CTNNA2: variants seen among roughly 807,000 people sequenced by gnomAD.
CTNNA2 encodes the protein catenin alpha 2.
CTNNA2 carries 42 observed loss-of-function variants against 101.0 expected under a neutral mutation model. The observed-to-expected ratio is 0.42, with a 90% CI of 0.32 to 0.54. CTNNA2 has a LOEUF of 0.54. Among genes scored for constraint, CTNNA2 ranks in the 20% least tolerant of loss-of-function variants. The pLI, the probability that CTNNA2 is intolerant of heterozygous loss-of-function variation, is 0.14. For synonymous variants in CTNNA2, 450 were observed against 456.4 expected (o/e 0.99, Z 0.18); for missense variants, 871 against 1,223.1 (o/e 0.71, Z 4.29).
chr2:79,397,823 A>AT (rs1008497239), intron 4 of CTNNA2, among the ~76,000 whole-genome samples: 36 of 151,816 alleles, frequency 2.4e-4, no homozygotes, highest in African/African-American at 7.2e-4. Context: ...AAGTCTGTTT[A>AT]TTTTTTTTAT....
At chr2:79,871,217 A>T (rs189811760) in intron 5 of CTNNA2, among the ~76,000 whole-genome samples, 1 of 152,320 alleles carries the variant, frequency 6.6e-6, no homozygotes, top group East Asian at 1.9e-4. Context: ...TTGAATGTTC[A>T]TTCTGTGCCA....
At chr2:80,254,950 C>A (rs1672024938) in intron 7 of CTNNA2, among the ~76,000 whole-genome samples, 1 of 152,054 alleles carries the variant, frequency 6.6e-6, no homozygotes, top group Non-Finnish European at 1.5e-5. Context: ...GGATGGGTTT[C>A]ATATTCCTCC....
intron 4 of CTNNA2, among the ~76,000 whole-genome samples, chr2:79,861,716 TTTTTGCTG>T (rs1427370818): frequency 6.6e-6 from 1 of 152,112 alleles, no homozygotes. Flanking sequence ...CTGCAAAAGG[TTTTTGCTG>T]CTGCTGTTAC....
chr2:79,231,472 C>A (rs946823448), intron 2 of CTNNA2, among the ~76,000 whole-genome samples: 1 of 152,170 alleles, frequency 6.6e-6, no homozygotes, highest in Non-Finnish European at 1.5e-5. Context: ...AAAATTATTT[C>A]TTTTGCCAAT....
At chr2:79,928,183 C>G (rs1476930739) in intron 7 of CTNNA2, among the ~76,000 whole-genome samples, 1 of 152,100 alleles carries the variant, frequency 6.6e-6, no homozygotes, top group Non-Finnish European at 1.5e-5. Context: ...CCTTAAGAAG[C>G]TCAAGGATCT....
chr2:80,638,491 G>T (rs1471849330), intron 18 of CTNNA2, among the ~76,000 whole-genome samples: 1 of 152,162 alleles, frequency 6.6e-6, no homozygotes, highest in African/African-American at 2.4e-5. Flanking sequence ...AGTAAGTATA[G>T]GAAAAGAAGG....
At chr2:80,399,196 C>T (rs184535783) in intron 8 of CTNNA2, among the ~76,000 whole-genome samples, 1 of 151,732 alleles carries the variant, frequency 6.6e-6, no homozygotes, top group Admixed American at 6.6e-5. Context: ...ATGGGTAGTA[C>T]AGTCACGCTA....
intron 4 of CTNNA2, among the ~76,000 whole-genome samples, chr2:79,465,469 CT>C: frequency 6.6e-6 from 1 of 152,224 alleles, no homozygotes; most frequent in South Asian, 2.1e-4. Context: ...AATGCAGGCT[CT>C]TTTTTGTTCC....
At chr2:80,211,182 T>C (rs1451039388) in intron 7 of CTNNA2, among the ~76,000 whole-genome samples, 1 of 152,222 alleles carries the variant, frequency 6.6e-6, no homozygotes, top group Non-Finnish European at 1.5e-5. Flanking sequence ...TTCACTCTAA[T>C]GATAGTTTCT....
At chr2:80,156,225 T>C (rs1703991332) in intron 7 of CTNNA2, among the ~76,000 whole-genome samples, 1 of 152,184 alleles carries the variant, frequency 6.6e-6, no homozygotes, top group Admixed American at 6.5e-5. Context: ...ATCTAGCCAA[T>C]CATTTGAAAC....
intron 2 of CTNNA2, among the ~76,000 whole-genome samples, chr2:79,278,101 A>G (rs1675260770): frequency 6.6e-6 from 1 of 152,284 alleles, no homozygotes; most frequent in South Asian, 2.1e-4. Context: ...AGTTCAGGCC[A>G]CTGTAGAACC....
chr2:79,801,750 G>T (rs1676174442), intron 3 of CTNNA2, among the ~76,000 whole-genome samples: 1 of 152,078 alleles, frequency 6.6e-6, no homozygotes, highest in South Asian at 2.1e-4. Context: ...CCAGCACTTT[G>T]GGAGGCCAAG....
chr2:79,594,434 A>G (rs1287250784), intron 1 of CTNNA2, among the ~76,000 whole-genome samples: 1 of 152,214 alleles, frequency 6.6e-6, no homozygotes, highest in Non-Finnish European at 1.5e-5. Context: ...AAGGAAAATA[A>G]TAATGGCTCC....
chr2:80,309,796 G>A (rs1677374237), intron 7 of CTNNA2, among the ~76,000 whole-genome samples: 1 of 151,744 alleles, frequency 6.6e-6, no homozygotes, highest in East Asian at 1.9e-4. Flanking sequence ...CCGGGTTCAA[G>A]TGATTATCCT....
intron 3 of CTNNA2, among the ~76,000 whole-genome samples, chr2:79,766,842 A>G (rs1416427114): frequency 6.7e-6 from 1 of 149,120 alleles, no homozygotes; most frequent in Non-Finnish European, 1.5e-5. Flanking sequence ...CGCAACCTCC[A>G]CCTCCTGGGT....
At chr2:79,974,962 G>A (rs992291522) in intron 7 of CTNNA2, among the ~76,000 whole-genome samples, 1 of 152,136 alleles carries the variant, frequency 6.6e-6, no homozygotes, top group Non-Finnish European at 1.5e-5. Flanking sequence ...GTCATACCAA[G>A]TAGAGGGGAT....
chr2:80,409,083 A>G (rs946631890), intron 8 of CTNNA2, among the ~76,000 whole-genome samples: 8 of 152,194 alleles, frequency 5.3e-5, no homozygotes, highest in African/African-American at 1.9e-4. Context: ...AGACCCTTCC[A>G]AATACGCAGA....
intron 2 of CTNNA2, among the ~76,000 whole-genome samples, chr2:79,656,421 C>G (rs1681617135): frequency 6.6e-6 from 1 of 152,016 alleles, no homozygotes; most frequent in South Asian, 2.1e-4. Context: ...ATACAGTTTG[C>G]TCATAGCTAT....
rs529677127 is a variant in CTNNA2, at chr2:79,819,022, C to T, written c.299-38991C>T. ...TGAGACGGAGTCTCACTCTGTCACCCAGGCTGGAGTGTAGTGGTATGATCT... is the reference window on the plus strand; with the variant it reads ...TGAGACGGAGTCTCACTCTGTCACCTAGGCTGGAGTGTAGTGGTATGATCT... On this transcript the variant is annotated intron_variant, in intron 3 of 18. Coordinates refer to ENST00000402739, the MANE Select transcript of CTNNA2 (RefSeq NM_001282597.3). Among the ~76,000 whole-genome samples, 93 of 149,938 alleles carry T rather than the reference C, an allele frequency of 6.2e-4. 1 individual carries two copies. The highest frequency in any genetic ancestry group is 2.1e-3 in the African/African-American group (86 of 40,696).
Sources: allele counts gnomAD v4.1 joint callset (sites outside exome capture counted in the v4.1 genomes callset), GRCh38; gene constraint gnomAD v4.1.1; transcripts MANE v1.5; gene names NCBI Gene and HGNC (gene_info 2026-07-23, HGNC 2026-07-21).